Variants in CAMTA1 observed in about 807,000 individuals in gnomAD.
CAMTA1 encodes the protein calmodulin-binding transcription activator 1.
A neutral mutation model predicts 170.9 loss-of-function variants in CAMTA1; 27 were observed. The ratio of observed to expected loss-of-function variants is 0.16; its 90% CI spans 0.12 to 0.22. The LOEUF is 0.22. Ranked by LOEUF, CAMTA1 falls within the 10% of genes least tolerant of loss-of-function variation. The pLI is 1.00. For missense variants in CAMTA1, 1,619 were observed against 2,217.2 expected, an observed-to-expected ratio of 0.73 and a Z score of 5.42; for synonymous variants, 833 against 891.5, an observed-to-expected ratio of 0.93 and a Z score of 1.17.
At chr1:7,399,639 T>G (rs1041459067) in intron 5 of CAMTA1, among the ~76,000 whole-genome samples, 2 of 152,224 alleles carry the variant, frequency 1.3e-5, no homozygotes, top group African/African-American at 4.8e-5. Flanking sequence ...AGTACTCCCT[T>G]AAGTATTTCT....
chr1:6,939,615 C>T (rs1042454299), intron 3 of CAMTA1, among the ~76,000 whole-genome samples: 8 of 152,198 alleles, frequency 5.3e-5, no homozygotes, highest in African/African-American at 1.9e-4. Context: ...TAGCCTGGTC[C>T]CCTGTGGCGA....
chr1:6,911,514 C>T (rs1179311766), intron 3 of CAMTA1, among the ~76,000 whole-genome samples: 2 of 152,002 alleles, frequency 1.3e-5, no homozygotes, highest in African/African-American at 4.8e-5. Context: ...AAGTGATCTT[C>T]CTGTGTTTGA....
chr1:6,989,307 G>T (rs1333734819), intron 3 of CAMTA1, among the ~76,000 whole-genome samples: 3 of 152,210 alleles, frequency 2.0e-5, no homozygotes, highest in East Asian at 1.9e-4. Context: ...GACTAACGGA[G>T]AATTTAGATT....
intron 3 of CAMTA1, among the ~76,000 whole-genome samples, chr1:6,986,222 C>T (rs1216051797): frequency 6.6e-6 from 1 of 152,196 alleles, no homozygotes; most frequent in Non-Finnish European, 1.5e-5. Context: ...AGAATCTGAT[C>T]CCTGCTCAGG....
chr1:7,515,910 C>T (rs552771607), intron 6 of CAMTA1, among the ~76,000 whole-genome samples: 5 of 152,298 alleles, frequency 3.3e-5, no homozygotes, highest in South Asian at 2.1e-4. Context: ...TGGGAACAGC[C>T]GATGCAAAGG....
chr1:7,271,990 A>G (rs977752825), intron 5 of CAMTA1, among the ~76,000 whole-genome samples: 57 of 152,174 alleles, frequency 3.7e-4, no homozygotes, highest in Non-Finnish European at 7.6e-4. Flanking sequence ...ACCAAGGGTC[A>G]TATGAATTCC....
At chr1:6,865,806 A>T (rs191771839) in intron 3 of CAMTA1, among the ~76,000 whole-genome samples, 9 of 152,346 alleles carry the variant, frequency 5.9e-5, no homozygotes, top group African/African-American at 2.2e-4. Context: ...TGTCCAAGGC[A>T]CAGAAGTAGT....
At chr1:6,939,735 C>T (rs1686093350) in intron 3 of CAMTA1, among the ~76,000 whole-genome samples, 2 of 152,232 alleles carry the variant, frequency 1.3e-5, no homozygotes, top group African/African-American at 4.8e-5. Context: ...GAAGCCCAAA[C>T]CCAAGCAAAC....
At chr1:7,525,752 A>C (rs917722006) in intron 6 of CAMTA1, among the ~76,000 whole-genome samples, 1 of 152,176 alleles carries the variant, frequency 6.6e-6, no homozygotes, top group African/African-American at 2.4e-5. Context: ...GTCACAGCCA[A>C]GGGTGGGCAG....
chr1:7,541,462 T>C (rs1298949913), intron 6 of CAMTA1, among the ~76,000 whole-genome samples: 1 of 152,170 alleles, frequency 6.6e-6, no homozygotes, highest in Non-Finnish European at 1.5e-5. Flanking sequence ...AGCAAATTGG[T>C]TTAAGTGAAA....
intron 6 of CAMTA1, among the ~76,000 whole-genome samples, chr1:7,624,072 C>G (rs746855835): frequency 1.3e-5 from 2 of 152,206 alleles, no homozygotes; most frequent in Non-Finnish European, 2.9e-5. Flanking sequence ...CATGGGTGTC[C>G]CAGTTACCCT....
intron 4 of CAMTA1, among the ~76,000 whole-genome samples, chr1:7,109,733 G>A (rs1259255694): frequency 3.9e-5 from 6 of 152,168 alleles, no homozygotes; most frequent in Admixed American, 3.9e-4. Flanking sequence ...CAGATGAATC[G>A]TCCTCCCATT....
chr1:7,098,599 C>T (rs140904600), intron 4 of CAMTA1, among the ~76,000 whole-genome samples: 98 of 152,324 alleles, frequency 6.4e-4, no homozygotes, highest in African/African-American at 2.2e-3. Context: ...GGGAAGTCCC[C>T]AGTCTCTGCA....
At chr1:7,100,847 C>T (rs914371608) in intron 4 of CAMTA1, among the ~76,000 whole-genome samples, 1 of 152,138 alleles carries the variant, frequency 6.6e-6, no homozygotes, top group African/African-American at 2.4e-5. Context: ...AGTGGGATCT[C>T]GATGGCTTTT....
chr1:7,640,675 A>G lies in CAMTA1; in HGVS notation c.664+122A>G, dbSNP rs1290511494. 3 of 1,142,080 alleles carry G rather than the reference A, an allele frequency of 2.6e-6. No homozygotes were observed. In the East Asian group the frequency reaches 7.4e-5, roughly 28 times the overall value. The allele number at this position is 1,142,080 out of a possible 1,614,324, so 70.7% of individuals were successfully genotyped here. ...GGGTCCGGAGCCCCATCTTGCTGGA[A>G]TGACAGTGGCACCGTGAGCTTAGCT... On this transcript the variant is annotated intron_variant, in intron 7 of 22. Transcript: ENST00000303635.
intron 5 of CAMTA1, among the ~76,000 whole-genome samples, chr1:7,403,628 T>C (rs1026112282): frequency 2.0e-5 from 3 of 152,110 alleles, no homozygotes; most frequent in South Asian, 2.1e-4. Context: ...GGTGCTTTGG[T>C]GGTGCTACCG....
Position 7,727,649 on chromosome 1 carries a change from T to C in CAMTA1, c.2915-4799T>C, listed in dbSNP as rs113354205. On this transcript the variant is annotated intron_variant, in intron 11 of 22. Coordinates refer to ENST00000303635, the MANE Select transcript of CAMTA1 (RefSeq NM_015215.4). The stretch of plus-strand genomic sequence containing the variant: ...AAATTCTTCTTTGCTTCTAAGTAAT[T>C]GTATTCCCTATATCCCGTAATCACA... Among the ~76,000 whole-genome samples the C allele has an allele frequency of 6.0e-4, 92 of 152,358 alleles. 1 individual carries two copies. In the Middle Eastern group the frequency reaches 0.01, roughly 17 times the overall value.
chr1:6,900,058 A>G (rs1413306254), intron 3 of CAMTA1, among the ~76,000 whole-genome samples: 2 of 152,224 alleles, frequency 1.3e-5, no homozygotes, highest in African/African-American at 4.8e-5. Flanking sequence ...GCTCTTTGAA[A>G]AGTCACATGT....
chr1:7,136,957 G>A (rs889238130), intron 4 of CAMTA1, among the ~76,000 whole-genome samples: 2 of 152,146 alleles, frequency 1.3e-5, no homozygotes, highest in African/African-American at 4.8e-5. Flanking sequence ...GACCTCAAAT[G>A]TGTAATTCTA....
Sources: gnomAD v4.1 joint callset for allele counts (sites outside exome capture counted in the v4.1 genomes callset) on GRCh38, gnomAD v4.1.1 for gene constraint, MANE v1.5 for transcripts, NCBI Gene and HGNC (gene_info 2026-07-23, HGNC 2026-07-21) for gene names.